Variants in DMD observed in about 807,000 individuals in gnomAD.
DMD encodes mutant dystrophin.
A neutral mutation model predicts 330.1 loss-of-function variants in DMD; 63 were observed. The ratio of observed to expected loss-of-function variants is 0.19; its 90% CI spans 0.16 to 0.24. DMD has a LOEUF of 0.24. Among genes scored for constraint, DMD ranks in the 10% least tolerant of loss-of-function variants. The pLI is 1.00. For synonymous variants in DMD, 1,223 were observed against 959.8 expected, an observed-to-expected ratio of 1.27 and a Z score of -5.07; for missense variants, 3,344 against 2,684.1, an observed-to-expected ratio of 1.25 and a Z score of -5.43.
intron 1 of DMD, among the ~76,000 whole-genome samples, chrX:33,276,368 G>A (rs1264157818): frequency 9.0e-6 from 1 of 110,834 alleles, no homozygotes; most frequent in African/African-American, 3.3e-5. Context: ...TTTTGGTGCT[G>A]ATAGGGTCTT....
At chrX:31,775,857 T>A (rs2090622453) in intron 50 of DMD, among the ~76,000 whole-genome samples, 1 of 105,070 alleles carries the variant, frequency 9.5e-6, no homozygotes, top group Non-Finnish European at 2.0e-5. Flanking sequence ...TTTCTATGAA[T>A]GAAGGAACTA....
intron 43 of DMD, among the ~76,000 whole-genome samples, chrX:32,252,109 G>A (rs972831276): frequency 1.3e-4 from 15 of 111,654 alleles, no homozygotes; most frequent in African/African-American, 4.6e-4. Flanking sequence ...ACAATGACTT[G>A]TACAACGTAA....
chrX:31,373,405 C>G (rs1243241568), intron 60 of DMD, among the ~76,000 whole-genome samples: 4 of 95,636 alleles, frequency 4.2e-5, no homozygotes, highest in African/African-American at 1.4e-4. Context: ...CATCACGCTA[C>G]CTGACTTCAA....
chrX:33,211,137 A>G (rs1320097792), intron 1 of DMD, 145 bp downstream of exon 1: 2 of 632,332 alleles, frequency 3.2e-6, no homozygotes, highest in African/African-American at 4.6e-5. Flanking sequence ...CTGAATAAAT[A>G]CATATATATA....
chrX:32,686,155 G>GAT (rs1279717151), intron 9 of DMD, among the ~76,000 whole-genome samples: 7 of 111,609 alleles, frequency 6.3e-5, no homozygotes, highest in African/African-American at 2.3e-4. Flanking sequence ...TTTTTTCACT[G>GAT]ATATTATTTG....
chrX:32,136,219 A>G (rs1264319707), intron 44 of DMD, among the ~76,000 whole-genome samples: 3 of 112,656 alleles, frequency 2.7e-5, no homozygotes, highest in African/African-American at 9.7e-5. Context: ...CTTTTGGGAT[A>G]TGTCTTTTCA....
At chrX:31,870,892 A>AAAT (rs2093879866) in intron 48 of DMD, among the ~76,000 whole-genome samples, 1 of 111,687 alleles carries the variant, frequency 9.0e-6, no homozygotes, top group Non-Finnish European at 1.9e-5. Context: ...CCTTAACATA[A>AAAT]AATTATGTGT....
chrX:31,550,432 C>G (rs1212026856), intron 55 of DMD, among the ~76,000 whole-genome samples: 1 of 111,841 alleles, frequency 8.9e-6, no homozygotes, highest in East Asian at 2.8e-4. Context: ...TTCAGTTTAT[C>G]AACACAAAGA....
intron 2 of DMD, among the ~76,000 whole-genome samples, chrX:32,870,879 T>G (rs902490134): frequency 1.9e-5 from 2 of 105,033 alleles, no homozygotes; most frequent in African/African-American, 7.0e-5. Flanking sequence ...AAGATTTTGA[T>G]TTCCTGACAA....
At chrX:33,303,761 C>T (rs1240912181) in intron 1 of DMD, among the ~76,000 whole-genome samples, 1 of 111,770 alleles carries the variant, frequency 8.9e-6, no homozygotes. Flanking sequence ...GCTTCCCCTT[C>T]TGCCATGATT....
intron 54 of DMD, among the ~76,000 whole-genome samples, chrX:31,639,179 C>CA (rs1342591365): frequency 2.7e-5 from 3 of 110,013 alleles, no homozygotes; most frequent in Admixed American, 9.7e-5. Flanking sequence ...ATACAGACCA[C>CA]AAAAAAAAGA....
chrX:32,942,094 C>T (rs1479052971), intron 2 of DMD, among the ~76,000 whole-genome samples: 1 of 83,543 alleles, frequency 1.2e-5, no homozygotes, highest in Non-Finnish European at 2.2e-5. Context: ...ATCCTATTCT[C>T]TTACCTTTTG....
At chrX:32,310,059 G>A (rs758117786) in intron 42 of DMD, 23 bp downstream of exon 42, 14 of 1,181,982 alleles carry the variant, frequency 1.2e-5, no homozygotes, top group South Asian at 1.8e-5. Flanking sequence ...TGTAAAATAC[G>A]AATGAAAGTG....
intron 55 of DMD, among the ~76,000 whole-genome samples, chrX:31,578,586 A>T: frequency 8.9e-6 from 1 of 112,192 alleles, no homozygotes; most frequent in Middle Eastern, 4.7e-3. Context: ...TATTCCTGAC[A>T]TATTGAATAC....
At position 32,478,768 on chromosome X, in the gene DMD, G is replaced by C. The variant is rs749550692; in HGVS notation, c.2803+6151C>G. Among the ~76,000 whole-genome samples, 6 of 111,324 alleles carry C rather than the reference G, an allele frequency of 5.4e-5. No homozygotes were observed. In the East Asian group the frequency reaches 1.7e-3, roughly 32 times the overall value. Reference sequence around the variant, plus strand: ...CCTTTTTGCTTATGCAACTTGCTCTGCTGAAAGTCGCTGCTGCTCAGGCTC... The same window carrying C: ...CCTTTTTGCTTATGCAACTTGCTCTCCTGAAAGTCGCTGCTGCTCAGGCTC... On this transcript the variant is annotated intron_variant, in intron 21 of 78. Coordinates refer to ENST00000357033, the MANE Select transcript of DMD (RefSeq NM_004006.3).
At chrX:32,765,806 C>A (rs1367869291) in intron 7 of DMD, among the ~76,000 whole-genome samples, 2 of 111,724 alleles carry the variant, frequency 1.8e-5, no homozygotes, top group Non-Finnish European at 3.8e-5. Flanking sequence ...TGTTTTCTTC[C>A]AAATGTCTAC....
intron 55 of DMD, among the ~76,000 whole-genome samples, chrX:31,574,231 C>A (rs1204738389): frequency 9.5e-6 from 1 of 105,075 alleles, no homozygotes; most frequent in Non-Finnish European, 1.9e-5. Context: ...GCAAGCTCCA[C>A]CTCCCGGATT....
chrX:32,428,358 C>A (rs1164325986), intron 29 of DMD, among the ~76,000 whole-genome samples: 1 of 111,281 alleles, frequency 9.0e-6, no homozygotes, highest in African/African-American at 3.3e-5. Context: ...CTAATAATAC[C>A]AAATATGTGA....
Position 32,484,989 on chromosome X carries a change from A to C in DMD, c.2733T>G (p.Phe911Leu). ...GQGPMFLDAD[F>L]VAFTNHFKQV... The stretch of plus-strand genomic sequence containing the variant: ...GCTTAAAATGATTTGTAAAGGCCAC[A>C]AAGTCTGCATCCAGGAACATGGGTC... The change falls in exon 21 of 79, where the codon TTT (phenylalanine) becomes TTG (leucine). Residue 911 changes from phenylalanine to leucine, a missense_variant. Transcript: ENST00000357033. The C allele has an allele frequency of 8.3e-7, 1 of 1,211,646 alleles. No individual in the cohort carries two copies. Among genetic ancestry groups the C allele is most frequent in the Non-Finnish European group, 1.1e-6 (1 of 895,388 alleles).
Sources: allele counts gnomAD v4.1 joint callset (sites outside exome capture counted in the v4.1 genomes callset), GRCh38; gene constraint gnomAD v4.1.1; transcripts MANE v1.5; gene names NCBI Gene and HGNC (gene_info 2026-07-23, HGNC 2026-07-21).